The following PCDH15 variants were observed in gnomAD, a reference collection of about 807,000 sequenced individuals.
The protein encoded by PCDH15 is protocadherin-15.
A neutral mutation model predicts 178.5 loss-of-function variants in PCDH15; 129 were observed. That is an observed-to-expected ratio of 0.72 (90% CI 0.63 to 0.84). The LOEUF (loss-of-function observed/expected upper bound fraction) is 0.84. PCDH15 is among the 40% of genes least tolerant of loss of function. PCDH15 has a pLI of 0.00. For synonymous variants in PCDH15, 800 were observed against 732.0 expected (o/e 1.09, Z -1.50); for missense variants, 2,230 against 2,099.9 (o/e 1.06, Z -1.21).
At chr10:53,807,229 C>T (rs1473602169) in intron 37 of PCDH15, 99 bp from the exon 38 acceptor site, 1 of 999,890 alleles carries the variant, frequency 1.0e-6, no homozygotes, top group African/African-American at 1.6e-5. Context: ...ATTTAGAAAG[C>T]TGTCAAAGGT....
chr10:54,793,644 A>G (rs1043008642), intron 1 of PCDH15, among the ~76,000 whole-genome samples: 2 of 149,460 alleles, frequency 1.3e-5, no homozygotes, highest in African/African-American at 2.4e-5. Flanking sequence ...CATAATTTAT[A>G]TATGTATATA....
intron 2 of PCDH15, among the ~76,000 whole-genome samples, chr10:55,037,190 C>G (rs571868040): frequency 6.6e-6 from 1 of 152,158 alleles, no homozygotes; most frequent in Non-Finnish European, 1.5e-5. Flanking sequence ...AGGATCTGAT[C>G]TTTTCAGTTT....
intron 2 of PCDH15, among the ~76,000 whole-genome samples, chr10:55,571,216 G>C (rs1842402735): frequency 6.6e-6 from 1 of 151,926 alleles, no homozygotes; most frequent in Non-Finnish European, 1.5e-5. Flanking sequence ...TGATGCACAG[G>C]CTCCCACTTT....
chr10:53,994,674 T>C (rs902479782), intron 21 of PCDH15: 2 of 152,136 alleles, frequency 1.3e-5, no homozygotes, highest in Non-Finnish European at 2.9e-5. Flanking sequence ...AAAGACATTT[T>C]AACACACTTA....
intron 2 of PCDH15, among the ~76,000 whole-genome samples, chr10:55,608,305 G>A (rs1182962708): frequency 6.6e-6 from 1 of 151,208 alleles, no homozygotes; most frequent in Non-Finnish European, 1.5e-5. Context: ...GGGAAGCAGA[G>A]GGAAGGGGAG....
intron 25 of PCDH15, among the ~76,000 whole-genome samples, chr10:53,919,264 C>CAT (rs1441903666): frequency 6.6e-6 from 1 of 152,116 alleles, no homozygotes; most frequent in Admixed American, 6.5e-5. Context: ...CTACAAGAGG[C>CAT]ATATTATTGT....
At chr10:54,288,075 G>A in intron 8 of PCDH15, among the ~76,000 whole-genome samples, 1 of 152,156 alleles carries the variant, frequency 6.6e-6, no homozygotes, top group East Asian at 1.9e-4. Flanking sequence ...TGTAATCTCA[G>A]CACTTTGGGA....
intron 1 of PCDH15, among the ~76,000 whole-genome samples, chr10:54,758,346 C>A (rs918736242): frequency 2.0e-5 from 3 of 152,178 alleles, no homozygotes; most frequent in Non-Finnish European, 4.4e-5. Context: ...TGCTAGGCTG[C>A]AGACCCCAGC....
chr10:54,776,517 C>A (rs1406712852), intron 1 of PCDH15, among the ~76,000 whole-genome samples: 1 of 151,732 alleles, frequency 6.6e-6, no homozygotes, highest in Non-Finnish European at 1.5e-5. Context: ...AACATTAGGG[C>A]AATGATTTTC....
intron 2 of PCDH15, among the ~76,000 whole-genome samples, chr10:55,553,676 A>C (rs1005771921): frequency 6.6e-5 from 10 of 151,866 alleles, no homozygotes; most frequent in Non-Finnish European, 1.5e-4. Context: ...CCTGTATCTT[A>C]AATTTTTTTG....
chr10:55,144,015 G>GA (rs1175248425), intron 2 of PCDH15, among the ~76,000 whole-genome samples: 1 of 105,162 alleles, frequency 9.5e-6, no homozygotes. Context: ...GGGTGTAAGG[G>GA]GAAAAAAAAC....
chr10:53,896,863 G>A (rs1316192385), intron 26 of PCDH15, among the ~76,000 whole-genome samples: 1 of 152,056 alleles, frequency 6.6e-6, no homozygotes, highest in Non-Finnish European at 1.5e-5. Context: ...ACCCAGATGG[G>A]ACCATCTAGT....
intron 2 of PCDH15, among the ~76,000 whole-genome samples, chr10:55,328,911 AACAT>A (rs1403016159): frequency 1.9e-5 from 1 of 53,176 alleles, no homozygotes; most frequent in African/African-American, 8.4e-5. Flanking sequence ...TTTTCACACA[AACAT>A]ATATATATAT....
At chr10:55,466,980 CT>C (rs1252347348) in intron 2 of PCDH15, among the ~76,000 whole-genome samples, 1 of 152,172 alleles carries the variant, frequency 6.6e-6, no homozygotes, top group Non-Finnish European at 1.5e-5. Flanking sequence ...CACTGGGAGC[CT>C]TTCAGGCTGC....
intron 1 of PCDH15, among the ~76,000 whole-genome samples, chr10:55,304,724 G>T (rs938015025): frequency 6.6e-6 from 1 of 152,172 alleles, no homozygotes; most frequent in Non-Finnish European, 1.5e-5. Flanking sequence ...ACTAATTCCA[G>T]TCATTTAATG....
intron 1 of PCDH15, among the ~76,000 whole-genome samples, chr10:54,684,371 T>G (rs1331102417): frequency 6.6e-6 from 1 of 151,950 alleles, no homozygotes; most frequent in Non-Finnish European, 1.5e-5. Context: ...CTAGGATATG[T>G]CAAGGAGCTA....
intron 2 of PCDH15, among the ~76,000 whole-genome samples, chr10:54,574,360 GCT>G (rs1407620440): frequency 2.0e-5 from 3 of 150,294 alleles, no homozygotes; most frequent in Non-Finnish European, 3.0e-5. Context: ...ATTTCTGAGG[GCT>G]CTGTTCTGTT....
intron 25 of PCDH15, among the ~76,000 whole-genome samples, chr10:53,925,612 TAAAG>T (rs908201022): frequency 6.6e-6 from 1 of 152,232 alleles, no homozygotes; most frequent in Non-Finnish European, 1.5e-5. Context: ...CATCTCCTCT[TAAAG>T]AGATCATTGC....
chr10:55,297,078 A>G lies in PCDH15; in HGVS notation c.-156+22521T>C, dbSNP rs147386110. ...TAAGTCATCTGGGACAGAGCAGTAA[A>G]TAGAAAAGCCTTATGGTGTTTACAT... is the stretch of plus-strand genomic sequence containing the variant. On this transcript the variant is annotated intron_variant, in intron 1 of 5. Transcript: ENST00000458638. Among the ~76,000 whole-genome samples the G allele has an allele frequency of 1.6e-3, 245 of 152,268 alleles. 1 individual carries two copies. The highest frequency in any genetic ancestry group is 5.2e-3 in the African/African-American group (216 of 41,572).
Sources: gnomAD v4.1 joint callset for allele counts (sites outside exome capture counted in the v4.1 genomes callset) on GRCh38, gnomAD v4.1.1 for gene constraint, MANE v1.5 for transcripts, NCBI Gene and HGNC (gene_info 2026-07-23, HGNC 2026-07-21) for gene names.